Variants in USP12 observed in about 807,000 individuals in gnomAD.
USP12 encodes ubiquitin specific peptidase 12.
A neutral mutation model predicts 45.5 loss-of-function variants in USP12; 19 were observed. That is an observed-to-expected ratio of 0.42 (90% confidence interval 0.29 to 0.61). The LOEUF is 0.61. Among genes scored for constraint, USP12 ranks in the 20% least tolerant of loss-of-function variants. The pLI is 0.22. For synonymous variants in USP12, 149 were observed against 148.8 expected, an observed-to-expected ratio of 1.00 and a Z score of -0.01; for missense variants, 242 against 447.7, an observed-to-expected ratio of 0.54 and a Z score of 4.15.
intron 1 of USP12, among the ~76,000 whole-genome samples, chr13:27,134,357 T>A (rs988521877): frequency 1.3e-5 from 2 of 152,178 alleles, no homozygotes; most frequent in Non-Finnish European, 2.9e-5. Flanking sequence ...TCATTCTCTA[T>A]TATATTCTGA....
chr13:27,134,551 A>G (rs2137814072), intron 1 of USP12, among the ~76,000 whole-genome samples: 1 of 152,260 alleles, frequency 6.6e-6, no homozygotes. Context: ...AGTCTTCCAT[A>G]TTACAAAATA....
At position 27,116,188 on chromosome 13, in the gene USP12, T is replaced by C. The variant is rs1208782941; in HGVS notation, c.129+328A>G. Among the ~76,000 whole-genome samples the C allele has an allele frequency of 2.0e-5, 3 of 151,860 alleles. No individual in the cohort carries two copies. The East Asian group carries it at 5.8e-4, about 29-fold the overall frequency. ...TTAGTCAGGCATGGTGGCAGGCGCC[T>C]GTAGTCCCAGCTACTCGGGAGGCTG... is the stretch of plus-strand genomic sequence containing the variant. On this transcript the variant is annotated intron_variant, in intron 2 of 8. Coordinates refer to ENST00000282344, the MANE Select transcript of USP12 (RefSeq NM_182488.4).
chr13:27,088,779 C>A (rs1037771208), intron 6 of USP12, among the ~76,000 whole-genome samples: 1 of 152,166 alleles, frequency 6.6e-6, no homozygotes, highest in Admixed American at 6.5e-5. Context: ...TCTTTGCTGA[C>A]TGTGTTTTGT....
intron 1 of USP12, 34 bp from the exon 2 acceptor site, chr13:27,116,630 T>C (rs1346397369): frequency 1.3e-6 from 2 of 1,599,624 alleles, no homozygotes; most frequent in Non-Finnish European, 1.7e-6. Context: ...TTAGTATTTA[T>C]AGTAGTCATG....
At chr13:27,078,268 T>C (rs1873584858) in intron 6 of USP12, among the ~76,000 whole-genome samples, 1 of 151,852 alleles carries the variant, frequency 6.6e-6, no homozygotes, top group Admixed American at 6.6e-5. Flanking sequence ...AAAAATACAG[T>C]GTAACAACTA....
At chr13:27,074,419 T>C (rs984796894) in intron 7 of USP12, among the ~76,000 whole-genome samples, 24 of 151,796 alleles carry the variant, frequency 1.6e-4, no homozygotes, top group Non-Finnish European at 5.9e-5. Context: ...AAAAAAAAAT[T>C]CTAATCAGAG....
chr13:27,091,248 G>A (rs1336726900), intron 4 of USP12, among the ~76,000 whole-genome samples: 4 of 152,192 alleles, frequency 2.6e-5, no homozygotes, highest in Non-Finnish European at 5.9e-5. Context: ...TATGGCAGAG[G>A]TAGGCTAGCC....
At chr13:27,084,569 T>C (rs978225676) in intron 6 of USP12, among the ~76,000 whole-genome samples, 1 of 151,254 alleles carries the variant, frequency 6.6e-6, no homozygotes, top group Admixed American at 6.6e-5. Context: ...TTTTTGTAGA[T>C]GACATAAGGT....
intron 1 of USP12, among the ~76,000 whole-genome samples, chr13:27,165,918 A>T (rs969421247): frequency 6.6e-6 from 1 of 151,620 alleles, no homozygotes; most frequent in Non-Finnish European, 1.5e-5. Flanking sequence ...TGGGCTACAG[A>T]GCAAAAAAAA....
chr13:27,088,466 T>C (rs938681986), intron 6 of USP12, among the ~76,000 whole-genome samples: 8 of 152,100 alleles, frequency 5.3e-5, no homozygotes, highest in Non-Finnish European at 1.0e-4. Flanking sequence ...ATGGTCCTTT[T>C]TAGCATCTGG....
At chr13:27,091,729 C>T (rs1196330451) in intron 4 of USP12, among the ~76,000 whole-genome samples, 1 of 152,076 alleles carries the variant, frequency 6.6e-6, no homozygotes, top group Non-Finnish European at 1.5e-5. Flanking sequence ...ACAATGAAAC[C>T]CTGGGGAACA....
Position 27,067,400 on chromosome 13 carries a change from T to C in USP12, c.*1883A>G, listed in dbSNP as rs1873045855. On this transcript the variant is annotated 3_prime_UTR_variant, in exon 9 of 9. Transcript: ENST00000282344. Reference sequence around the variant, plus strand: ...CCACACTGTTGATTGTGATTCTCTGTGGCATGTTGGTAGATCAGGCTGGCT... The same window carrying C: ...CCACACTGTTGATTGTGATTCTCTGCGGCATGTTGGTAGATCAGGCTGGCT... The C allele has an allele frequency of 6.6e-6, 1 of 152,214 alleles. No homozygotes were observed. Among genetic ancestry groups the C allele is most frequent in the Non-Finnish European group, 1.5e-5 (1 of 68,022 alleles). The allele number at this position is 152,214 out of a possible 1,614,324, so 9.4% of individuals were successfully genotyped here. A position where few individuals can be genotyped will look rare whatever the true frequency, so the allele number is the denominator to read the frequency against.
intron 1 of USP12, among the ~76,000 whole-genome samples, chr13:27,164,128 T>C (rs1593218525): frequency 6.6e-6 from 1 of 150,874 alleles, no homozygotes; most frequent in South Asian, 2.1e-4. Flanking sequence ...AGAGGCTTAG[T>C]AGGTCACTAA....
Position 27,171,701 on chromosome 13 carries a change from C to T in USP12, c.-62G>A, listed in dbSNP as rs1051487463. The T allele has an allele frequency of 6.6e-5, 72 of 1,089,014 alleles. No individual in the cohort carries two copies. In the Middle Eastern group the frequency reaches 1.7e-3, roughly 25 times the overall value. 67.5% of individuals were successfully genotyped at this position (1,089,014 alleles called of 1,614,324 possible). A position where few individuals can be genotyped will look rare whatever the true frequency, so the allele number is the denominator to read the frequency against. ...GCGGCGGGCGGGGGAGGAGGGGAGC[C>T]GGGCCGCCCGCTCGCACCGCAGCCC... On this transcript the variant is annotated 5_prime_UTR_variant, in exon 1 of 9. Transcript: ENST00000282344.
At chr13:27,102,322 C>T (rs547809515) in intron 3 of USP12, among the ~76,000 whole-genome samples, 1 of 152,202 alleles carries the variant, frequency 6.6e-6, no homozygotes, top group Non-Finnish European at 1.5e-5. Flanking sequence ...ACTCCATTTC[C>T]TACCTGGGTA....
rs1873037089 is a variant in USP12 at position 27,067,217 on chromosome 13, A to T, written c.*2066T>A. The T allele has an allele frequency of 6.6e-6, 1 of 152,180 alleles. No homozygotes were observed. Among genetic ancestry groups the T allele is most frequent in the Non-Finnish European group, 1.5e-5 (1 of 68,034 alleles). The allele number at this position is 152,180 out of a possible 1,614,324, so 9.4% of individuals were successfully genotyped here. A position where few individuals can be genotyped will look rare whatever the true frequency, so the allele number is the denominator to read the frequency against. ...GCAAATGACTTCATCTATCTTTCTT[A>T]AACATGTTGATATAGCTAATGTTAA... On this transcript the variant is annotated 3_prime_UTR_variant, in exon 9 of 9. Transcript: ENST00000282344.
At chr13:27,156,543 G>A (rs924446183) in intron 1 of USP12, among the ~76,000 whole-genome samples, 2 of 152,154 alleles carry the variant, frequency 1.3e-5, no homozygotes, top group African/African-American at 4.8e-5. Flanking sequence ...AGGCTGGGGG[G>A]GCAGTGGCTC....
At chr13:27,112,204 C>G (rs1875482991) in intron 2 of USP12, among the ~76,000 whole-genome samples, 1 of 152,044 alleles carries the variant, frequency 6.6e-6, no homozygotes, top group African/African-American at 2.4e-5. Flanking sequence ...CAGCACCTAC[C>G]TCTTAGAATT....
intron 1 of USP12, among the ~76,000 whole-genome samples, chr13:27,146,640 C>T (rs1353910555): frequency 6.6e-6 from 1 of 152,150 alleles, no homozygotes; most frequent in East Asian, 1.9e-4. Context: ...CTAAAATGAA[C>T]CAATTGCTAC....
Sources: gnomAD v4.1 joint callset for allele counts (sites outside exome capture counted in the v4.1 genomes callset) on GRCh38, gnomAD v4.1.1 for gene constraint, MANE v1.5 for transcripts, NCBI Gene and HGNC (gene_info 2026-07-23, HGNC 2026-07-21) for gene names.